PRRC2B: variants seen among roughly 807,000 people sequenced by gnomAD.
PRRC2B encodes protein PRRC2B.
A neutral mutation model predicts 242.3 loss-of-function variants in PRRC2B; 68 were observed. The ratio of observed to expected loss-of-function variants is 0.28; its 90% CI spans 0.23 to 0.34. PRRC2B has a LOEUF of 0.34. Among genes scored for constraint, PRRC2B ranks in the 10% least tolerant of loss-of-function variants. PRRC2B has a pLI of 1.00. For missense variants in PRRC2B, 2,835 were observed against 2,954.8 expected (o/e 0.96, Z 0.94); for synonymous variants, 1,228 against 1,173.6 (o/e 1.05, Z -0.95).
intron 1 of PRRC2B, among the ~76,000 whole-genome samples, chr9:131,429,493 T>C (rs910044882): frequency 5.3e-5 from 8 of 152,230 alleles, no homozygotes; most frequent in African/African-American, 7.2e-5. Flanking sequence ...TGTGTGTAGC[T>C]TAGAGAGCCC....
Position 131,467,704 on chromosome 9 carries a change from A to C in PRRC2B, c.1862A>C (p.Gln621Pro). The C allele has an allele frequency of 6.2e-7, 1 of 1,614,026 alleles. No individual in the cohort carries two copies. The change falls in exon 13 of 32, where the codon CAG (glutamine) becomes CCG (proline). Residue 621 changes from glutamine (Q) to proline (P), a missense_variant. Coordinates refer to ENST00000683519, the MANE Select transcript of PRRC2B (RefSeq NM_013318.4). The part of the protein sequence containing the change: ...AGSPAQEFKY[Q>P]KSLPPRFQRQ... Reference sequence around the variant, plus strand: ...TCCCCTGCACAGGAGTTCAAGTATCAGAAGTCCCTTCCTCCCCGATTCCAG... The same window carrying C: ...TCCCCTGCACAGGAGTTCAAGTATCCGAAGTCCCTTCCTCCCCGATTCCAG...
In PRRC2B at chr9:131,475,099, G is replaced by C; in HGVS notation, c.2970G>C (p.Glu990Asp). The change falls in exon 16 of 32, where the codon GAG becomes GAC. Residue 990 changes from glutamate to aspartate, a missense_variant. Transcript: ENST00000683519. The part of the protein sequence containing the change: ...SPTAEKDEDE[E>D]NDASLANSST... ...CGGCAGAAAAGGATGAGGACGAAGA[G>C]AACGATGCCTCTCTGGCCAACTCCT... The C allele has an allele frequency of 6.2e-7, 1 of 1,611,630 alleles. No homozygotes were observed. The highest frequency in any genetic ancestry group is 8.5e-7 in the Non-Finnish European group (1 of 1,178,880).
At chr9:131,469,650 G>C (rs948151585) in intron 13 of PRRC2B, among the ~76,000 whole-genome samples, 1 of 152,220 alleles carries the variant, frequency 6.6e-6, no homozygotes, top group Non-Finnish European at 1.5e-5. Flanking sequence ...TGTGCTGGAG[G>C]CCGTTTGGGT....
At position 131,380,055 on chromosome 9, in the gene PRRC2B, C is replaced by T. The variant is rs1164054496; in HGVS notation, c.-56+6324C>T. On this transcript the variant is annotated intron_variant, in intron 1 of 1. Transcript: ENST00000682525. Reference sequence around the variant, plus strand: ...TCGCCCAGGCTGGAGTGCAGTGGTGCAATCTTGGCTCACTGCAACCTCTGC... The same window carrying T: ...TCGCCCAGGCTGGAGTGCAGTGGTGTAATCTTGGCTCACTGCAACCTCTGC... Among the ~76,000 whole-genome samples, 11 of 145,028 alleles carry T rather than the reference C, an allele frequency of 7.6e-5. No homozygotes were observed. In the Admixed American group the frequency reaches 7.6e-4, roughly 10 times the overall value.
chr9:131,445,705 C>T (rs1405314315), intron 6 of PRRC2B, among the ~76,000 whole-genome samples: 1 of 152,198 alleles, frequency 6.6e-6, no homozygotes, highest in Non-Finnish European at 1.5e-5. Context: ...GGTCGTGTAA[C>T]TCAGAGACCT....
rs559310957 is a variant in PRRC2B at position 131,475,511 on chromosome 9, C to A, written c.3382C>A (p.Arg1128=). ...GGACTGCCCCAGAGCCAAGCCCCGA[C>A]GGAGAGTTGCCAGTGAGACCCATAG... ...PEDCPRAKPR[R]RVASETHSEG... is the part of the protein sequence containing the mutation. The change falls in exon 16 of 32, where the codon CGG becomes AGG. Residue 1128 remains arginine, a synonymous_variant. Coordinates refer to ENST00000683519, the MANE Select transcript of PRRC2B (RefSeq NM_013318.4). The A allele has an allele frequency of 1.2e-6, 2 of 1,608,814 alleles. No individual in the cohort carries two copies. Among genetic ancestry groups the A allele is most frequent in the Non-Finnish European group, 1.7e-6 (2 of 1,177,628 alleles).
intron 9 of PRRC2B, among the ~76,000 whole-genome samples, chr9:131,453,777 C>T (rs1305729170): frequency 1.3e-5 from 2 of 152,192 alleles, no homozygotes; most frequent in Non-Finnish European, 2.9e-5. Context: ...AGTGATCCTC[C>T]TGCCTTGACC....
Position 131,476,166 on chromosome 9 carries a change from GT to G in PRRC2B, c.4039del (p.Ser1347LeufsTer119). On this transcript the variant is annotated frameshift_variant, in exon 16 of 32. Coordinates refer to ENST00000683519, the MANE Select transcript of PRRC2B (RefSeq NM_013318.4). LOFTEE classifies it high-confidence loss of function. ...CAGTGGCCAGGCAGGCCCAAACTGT[GT>G]TCTGGGGACAAGAGTGGCACTGTGG... is the stretch of plus-strand genomic sequence containing the variant. ...AGQWPGRPKLCSGDKSGTVGR... is the reference protein window; with the variant it reads ...AGQWPGRPKLXSGDKSGTVGR... 6.2e-7 allele frequency: 1 copy of G among 1,613,444 alleles called. No individual in the cohort carries two copies. Among genetic ancestry groups the G allele is most frequent in the Non-Finnish European group, 8.5e-7 (1 of 1,179,870 alleles).
At chr9:131,443,038 A>G (rs1369983486) in intron 5 of PRRC2B, among the ~76,000 whole-genome samples, 4 of 119,716 alleles carry the variant, frequency 3.3e-5, no homozygotes, top group African/African-American at 6.0e-5. Flanking sequence ...GGAGTTACTC[A>G]TGTGTATAAA....
In PRRC2B at chr9:131,475,472, T is replaced by G. The variant is rs1280822223; in HGVS notation, c.3343T>G (p.Phe1115Val). Reference protein sequence around the residue: ...RSGRGRGLREFARPEDCPRAK... With the variant: ...RSGRGRGLREVARPEDCPRAK... ...CGGCCGTGGCCGGGGCCTGCGAGAG[T>G]TTGCGCGGCCAGAGGACTGCCCCAG... Residue 1115 changes from phenylalanine to valine, a missense_variant, in exon 16 of 32, where the codon TTT (phenylalanine) becomes GTT (valine). This residue lies in a region of PRRC2B where 1,536 missense variants were observed against 1,483.1 expected (regional missense o/e 1.04). Transcript: ENST00000683519. 15 of 1,589,066 alleles carry G rather than the reference T, an allele frequency of 9.4e-6. No individual in the cohort carries two copies. Among genetic ancestry groups the G allele is most frequent in the African/African-American group, 4.1e-5 (3 of 73,570 alleles).
At chr9:131,495,263 G>C (rs1944299671) in intron 31 of PRRC2B, among the ~76,000 whole-genome samples, 1 of 152,078 alleles carries the variant, frequency 6.6e-6, no homozygotes, top group Admixed American at 6.5e-5. Context: ...TGGGAATGGT[G>C]GGGGGGTTGG....
In PRRC2B at chr9:131,481,732, C is replaced by G. The variant is rs755635189; in HGVS notation, c.4907C>G (p.Pro1636Arg). 26 of 1,562,060 alleles carry G rather than the reference C, an allele frequency of 1.7e-5. No homozygotes were observed. Among genetic ancestry groups the G allele is most frequent in the Non-Finnish European group, 2.3e-5 (26 of 1,153,632 alleles). ...TGTCTTCCTCCCCTGGCAGCTCTCC[C>G]TGTGCAGGCCCCAGCCAACGACTCC... is the stretch of plus-strand genomic sequence containing the variant. ...EIWESSSQALPVQAPANDSWR... is the reference protein window; with the variant it reads ...EIWESSSQALRVQAPANDSWR... The change falls in exon 20 of 32, where the codon CCT becomes CGT. Residue 1636 changes from proline (P) to arginine (R), a missense_variant. Pro to Arg is a moderately radical substitution (Grantham distance 103). This residue lies in a region of PRRC2B where 1,536 missense variants were observed against 1,483.1 expected (regional missense o/e 1.04). Transcript: ENST00000683519.
upstream of PRRC2B, among the ~76,000 whole-genome samples, chr9:131,393,557 G>T (rs1408636249): frequency 2.0e-5 from 3 of 152,208 alleles, no homozygotes. Flanking sequence ...AATGAAAAAA[G>T]TATTATTTCT....
At chr9:131,435,852 C>A (rs1838349004) in intron 3 of PRRC2B, among the ~76,000 whole-genome samples, 1 of 152,186 alleles carries the variant, frequency 6.6e-6, no homozygotes, top group African/African-American at 2.4e-5. Flanking sequence ...TAGAAAAATA[C>A]TGTATTCCTG....
chr9:131,477,498 T>C (rs982255658), intron 16 of PRRC2B, among the ~76,000 whole-genome samples: 3 of 152,134 alleles, frequency 2.0e-5, no homozygotes, highest in East Asian at 1.9e-4. Flanking sequence ...GAACATAGCA[T>C]GTGGGAGAGC....
intron 1 of PRRC2B, among the ~76,000 whole-genome samples, chr9:131,424,168 T>G (rs1282334813): frequency 2.0e-5 from 3 of 152,142 alleles, no homozygotes; most frequent in African/African-American, 7.2e-5. Flanking sequence ...TCTTGAACTC[T>G]TGGGTTCAAG....
chr9:131,471,690 G>A (rs1943551710), intron 14 of PRRC2B, among the ~76,000 whole-genome samples: 1 of 152,246 alleles, frequency 6.6e-6, no homozygotes, highest in African/African-American at 2.4e-5. Context: ...ACTGGCAGCA[G>A]GCTGAGTTTT....
chr9:131,468,282 C>G (rs746126478), intron 13 of PRRC2B, among the ~76,000 whole-genome samples: 2 of 152,168 alleles, frequency 1.3e-5, no homozygotes, highest in African/African-American at 2.4e-5. Flanking sequence ...TGCTGCTGAA[C>G]TAGTTGTGCA....
intron 1 of PRRC2B, among the ~76,000 whole-genome samples, chr9:131,397,522 C>CT (rs1193457327): frequency 8.1e-6 from 1 of 123,550 alleles, no homozygotes; most frequent in Non-Finnish European, 1.7e-5. Context: ...TTTCAGTTCT[C>CT]TTTTTTTATC....
Sources: gnomAD v4.1 joint callset for allele counts (sites outside exome capture counted in the v4.1 genomes callset) on GRCh38, gnomAD v4.1.1 for gene constraint, gnomAD v4.1.1 regional missense constraint, MANE v1.5 for transcripts, NCBI Gene and HGNC (gene_info 2026-07-23, HGNC 2026-07-21) for gene names.